FNIP1: variants seen among roughly 807,000 people sequenced by gnomAD.
FNIP1 encodes the protein folliculin-interacting protein 1.
A neutral mutation model predicts 124.5 loss-of-function variants in FNIP1; 40 were observed. That is an observed-to-expected ratio of 0.32 (90% CI 0.25 to 0.42). The LOEUF (loss-of-function observed/expected upper bound fraction) is 0.42. Ranked by LOEUF, FNIP1 falls within the 10% of genes least tolerant of loss-of-function variation. The probability of loss-of-function intolerance (pLI) is 1.00; values close to 1 mark genes in which losing one functional copy is unlikely to be tolerated. For missense variants in FNIP1, 1,176 were observed against 1,403.7 expected, an observed-to-expected ratio of 0.84 and a Z score of 2.59; for synonymous variants, 472 against 470.6, an observed-to-expected ratio of 1.00 and a Z score of -0.04.
chr5:131,736,865 T>C (rs1056608277), intron 2 of FNIP1, among the ~76,000 whole-genome samples: 3 of 152,158 alleles, frequency 2.0e-5, no homozygotes, highest in African/African-American at 7.2e-5. Flanking sequence ...GAAATACACA[T>C]TGACGTATTC....
At chr5:131,775,745 C>A (rs1385447531) in intron 1 of FNIP1, among the ~76,000 whole-genome samples, 2 of 151,994 alleles carry the variant, frequency 1.3e-5, no homozygotes, top group Non-Finnish European at 2.9e-5. Flanking sequence ...CCAGGCTGGT[C>A]TCAAACTCCT....
chr5:131,795,799 T>C (rs1772568032), intron 1 of FNIP1: 1 of 152,212 alleles, frequency 6.6e-6, no homozygotes, highest in Non-Finnish European at 1.5e-5. Context: ...CAGATTCTCT[T>C]TTTTTATTTT....
intron 15 of FNIP1, among the ~76,000 whole-genome samples, chr5:131,664,562 G>A (rs948815411): frequency 9.5e-5 from 14 of 147,558 alleles, no homozygotes; most frequent in Non-Finnish European, 1.8e-4. Flanking sequence ...TTGAGCCCAG[G>A]AGTTCAAGGC....
chr5:131,652,353 C>CATTTT lies in FNIP1; in HGVS notation c.3109-359_3109-355dup, dbSNP rs1364788212. Among the ~76,000 whole-genome samples, 40 of 152,186 alleles carry CATTTT rather than the reference C, an allele frequency of 2.6e-4. 1 individual carries two copies. The highest frequency in any genetic ancestry group is 1.1e-3 in the Admixed American group (17 of 15,292). On this transcript the variant is annotated intron_variant, in intron 15 of 17. Coordinates refer to ENST00000510461, the MANE Select transcript of FNIP1 (RefSeq NM_133372.3). ...GTTTTTTTACCCTGAAAGAGACAAA[C>CATTTT]ATTTTATTTTATTTTATTTTCAGAC...
intron 2 of FNIP1, among the ~76,000 whole-genome samples, chr5:131,733,185 C>G (rs1446984145): frequency 6.6e-6 from 1 of 152,124 alleles, no homozygotes; most frequent in Non-Finnish European, 1.5e-5. Context: ...ATTTTGTATC[C>G]TGAGACTTTG....
intron 5 of FNIP1, among the ~76,000 whole-genome samples, chr5:131,718,148 C>A (rs1769533724): frequency 6.6e-6 from 1 of 151,584 alleles, no homozygotes; most frequent in African/African-American, 2.4e-5. Context: ...TGAGATCACG[C>A]CACTGCACTC....
intron 1 of FNIP1, among the ~76,000 whole-genome samples, chr5:131,768,053 T>C (rs187548510): frequency 6.6e-6 from 1 of 152,140 alleles, no homozygotes; most frequent in Non-Finnish European, 1.5e-5. Context: ...AGTATTACTA[T>C]CATCATTTAA....
intron 2 of FNIP1, among the ~76,000 whole-genome samples, chr5:131,736,807 G>T (rs1263639213): frequency 6.6e-6 from 1 of 152,138 alleles, no homozygotes; most frequent in African/African-American, 2.4e-5. Flanking sequence ...ATGATTTCCT[G>T]AATTTTTGCT....
At chr5:131,788,166 A>C (rs1420807648) in intron 1 of FNIP1, among the ~76,000 whole-genome samples, 3 of 152,212 alleles carry the variant, frequency 2.0e-5, no homozygotes, top group African/African-American at 7.2e-5. Context: ...CAAATATGGC[A>C]ATCAAAGACT....
chr5:131,779,141 T>A (rs1383280730), intron 1 of FNIP1, among the ~76,000 whole-genome samples: 1 of 138,598 alleles, frequency 7.2e-6, no homozygotes, highest in Non-Finnish European at 1.6e-5. Flanking sequence ...AAACTTAAAG[T>A]ATAATTAAAA....
chr5:131,667,325 T>C (rs1330499435), intron 15 of FNIP1, among the ~76,000 whole-genome samples: 1 of 152,250 alleles, frequency 6.6e-6, no homozygotes, highest in Admixed American at 6.5e-5. Flanking sequence ...TTGATTGGTA[T>C]TCAAAAGCTG....
At chr5:131,771,311 T>C (rs1305982324) in intron 1 of FNIP1, among the ~76,000 whole-genome samples, 1 of 152,224 alleles carries the variant, frequency 6.6e-6, no homozygotes, top group Non-Finnish European at 1.5e-5. Context: ...ATCCCCAGGA[T>C]TGTATATCCT....
At chr5:131,684,769 T>C (rs944211714) in intron 11 of FNIP1, among the ~76,000 whole-genome samples, 6 of 152,210 alleles carry the variant, frequency 3.9e-5, no homozygotes, top group African/African-American at 1.4e-4. Context: ...TTCAGCTGGA[T>C]CTATAATGAC....
intron 1 of FNIP1, 50 bp downstream of exon 1, chr5:131,796,780 G>A (rs1772619429): frequency 9.2e-6 from 14 of 1,518,894 alleles, no homozygotes; most frequent in African/African-American, 1.4e-5. Context: ...CCTGGAGCCC[G>A]GAGCCCACAA....
At chr5:131,681,372 C>T (rs1768073815) in intron 11 of FNIP1, among the ~76,000 whole-genome samples, 1 of 152,062 alleles carries the variant, frequency 6.6e-6, no homozygotes, top group Admixed American at 6.6e-5. Flanking sequence ...CCTGATTATG[C>T]ACAGAATTCC....
At chr5:131,785,081 T>TAGTC (rs1561707686) in intron 1 of FNIP1, among the ~76,000 whole-genome samples, 4 of 12,084 alleles carry the variant, frequency 3.3e-4, no homozygotes, top group Admixed American at 8.0e-4. Context: ...ATATATGACA[T>TAGTC]ATATATATGA....
chr5:131,678,753 A>G (rs1010907968), intron 12 of FNIP1, among the ~76,000 whole-genome samples: 3 of 152,180 alleles, frequency 2.0e-5, no homozygotes, highest in African/African-American at 7.2e-5. Context: ...ATAAAACTAT[A>G]AATGGATACA....
chr5:131,746,113 T>C (rs1322167312), intron 1 of FNIP1, among the ~76,000 whole-genome samples: 1 of 152,056 alleles, frequency 6.6e-6, no homozygotes, highest in East Asian at 1.9e-4. Context: ...AAAAGATTAA[T>C]GGGGTGGGTG....
intron 1 of FNIP1, among the ~76,000 whole-genome samples, chr5:131,764,949 G>A (rs1771369535): frequency 1.3e-5 from 2 of 152,194 alleles, no homozygotes; most frequent in South Asian, 4.1e-4. Flanking sequence ...ACGGCTGGGT[G>A]TGGTGGCTCA....
Sources: gnomAD v4.1 joint callset for allele counts (sites outside exome capture counted in the v4.1 genomes callset) on GRCh38, gnomAD v4.1.1 for gene constraint, MANE v1.5 for transcripts, NCBI Gene and HGNC (gene_info 2026-07-23, HGNC 2026-07-21) for gene names.